Variants in RPS6KC1 observed in about 807,000 individuals in gnomAD.
RPS6KC1 encodes ribosomal protein S6 kinase C1.
In RPS6KC1, 54 loss-of-function variants were observed where a neutral mutation model predicts 103.8. The ratio of observed to expected loss-of-function variants is 0.52; its 90% CI spans 0.42 to 0.65. The LOEUF (loss-of-function observed/expected upper bound fraction) is 0.65, where lower values mean the gene tolerates loss of function less well. Among genes scored for constraint, RPS6KC1 ranks in the 30% least tolerant of loss-of-function variants. The pLI, the probability that RPS6KC1 is intolerant of heterozygous loss-of-function variation, is 0.00. For missense variants in RPS6KC1, 1,151 were observed against 1,253.8 expected (o/e 0.92, Z 1.24); for synonymous variants, 439 against 438.7 (o/e 1.00, Z -0.01).
intron 1 of RPS6KC1, among the ~76,000 whole-genome samples, chr1:213,068,384 T>C (rs1004081086): frequency 7.0e-6 from 1 of 143,864 alleles, no homozygotes; most frequent in Non-Finnish European, 1.5e-5. Context: ...CTCGGGAGGC[T>C]GAGGCAGGAG....
chr1:213,468,082 A>T, the RPS6KC1 span, among the ~76,000 whole-genome samples: 1 of 152,232 alleles, frequency 6.6e-6, no homozygotes, highest in Non-Finnish European at 1.5e-5. Context: ...AATTAGACAT[A>T]AACACATTAC....
intron 3 of RPS6KC1, among the ~76,000 whole-genome samples, chr1:213,094,009 T>G (rs1439022347): frequency 1.3e-5 from 2 of 152,204 alleles, no homozygotes; most frequent in African/African-American, 2.4e-5. Context: ...TCCTGGTTAT[T>G]CATCTCATCA....
At chr1:213,567,635 C>T in the RPS6KC1 span, among the ~76,000 whole-genome samples, 1 of 152,132 alleles carries the variant, frequency 6.6e-6, no homozygotes, top group Non-Finnish European at 1.5e-5. Context: ...CATACAATAC[C>T]AGAAATGAAA....
At chr1:213,078,940 G>A (rs968501549) in intron 3 of RPS6KC1, among the ~76,000 whole-genome samples, 6 of 151,964 alleles carry the variant, frequency 3.9e-5, no homozygotes, top group African/African-American at 1.4e-4. Context: ...CTGTATCAGT[G>A]TGTGTGTATG....
At position 213,117,356 on chromosome 1, in the gene RPS6KC1, G is replaced by T; in HGVS notation, c.418G>T (p.Ala140Ser). Residue 140 changes from alanine to serine, a missense_variant, in exon 5 of 15, where the codon GCT (alanine) becomes TCT (serine). Physicochemically the swap from Ala to Ser is moderately conservative, Grantham distance 99. This residue lies in a region of RPS6KC1 where 959 missense variants were observed against 1,006.3 expected (regional missense o/e 0.95). Coordinates refer to ENST00000366960, the MANE Select transcript of RPS6KC1 (RefSeq NM_012424.6). ...TGATAGTTCTGAATTAATTGGTCCT[G>T]CTGAAGCTCACTCAGATTCCCTCAT... Reference protein sequence around the residue: ...INDSSELIGPAEAHSDSLIDT... With the variant: ...INDSSELIGPSEAHSDSLIDT... 2 of 1,610,526 alleles carry T rather than the reference G, an allele frequency of 1.2e-6. No individual in the cohort carries two copies. Among genetic ancestry groups the T allele is most frequent in the Non-Finnish European group, 1.7e-6 (2 of 1,177,162 alleles).
chr1:213,095,472 T>C (rs1479514770), intron 3 of RPS6KC1, among the ~76,000 whole-genome samples: 2 of 152,344 alleles, frequency 1.3e-5, no homozygotes, highest in East Asian at 3.9e-4. Context: ...AGACAGCTTA[T>C]AAATCAAACA....
At chr1:213,101,439 C>T (rs2082009349) in intron 3 of RPS6KC1, among the ~76,000 whole-genome samples, 1 of 152,154 alleles carries the variant, frequency 6.6e-6, no homozygotes, top group South Asian at 2.1e-4. Flanking sequence ...TTCATATCTG[C>T]TTGTCAAAGT....
the RPS6KC1 span, among the ~76,000 whole-genome samples, chr1:213,461,707 A>T: frequency 6.6e-6 from 1 of 152,218 alleles, no homozygotes; most frequent in East Asian, 1.9e-4. Context: ...TGGTGTTGGG[A>T]AAACTGACTA....
intron 8 of RPS6KC1, among the ~76,000 whole-genome samples, chr1:213,220,517 G>A (rs543921786): frequency 2.5e-4 from 38 of 152,106 alleles, no homozygotes; most frequent in East Asian, 5.8e-4. Flanking sequence ...ATAGAAAGAG[G>A]GTTTCACCAT....
At chr1:213,398,420 G>A in the RPS6KC1 span, among the ~76,000 whole-genome samples, 1 of 151,862 alleles carries the variant, frequency 6.6e-6, no homozygotes. Context: ...ATAGTAACCT[G>A]CCATGCTTCA....
intron 5 of RPS6KC1, among the ~76,000 whole-genome samples, chr1:213,128,996 G>GT (rs2085294668): frequency 6.6e-6 from 1 of 152,136 alleles, no homozygotes; most frequent in African/African-American, 2.4e-5. Context: ...TGGTCACACA[G>GT]TAAGTTTTAA....
chr1:213,520,192 A>G, the RPS6KC1 span, among the ~76,000 whole-genome samples: 1 of 152,200 alleles, frequency 6.6e-6, no homozygotes, highest in African/African-American at 2.4e-5. Context: ...GACTGGGTTT[A>G]TAAAGAGAAG....
the RPS6KC1 span, among the ~76,000 whole-genome samples, chr1:213,678,567 T>C: frequency 6.6e-6 from 1 of 152,220 alleles, no homozygotes; most frequent in African/African-American, 2.4e-5. Context: ...TTCCCACACC[T>C]GGCTGATCAT....
At chr1:213,615,015 T>C in the RPS6KC1 span, among the ~76,000 whole-genome samples, 1 of 152,138 alleles carries the variant, frequency 6.6e-6, no homozygotes, top group Non-Finnish European at 1.5e-5. Flanking sequence ...CAGCTGGAAA[T>C]AGATTTTATA....
chr1:213,393,053 A>G, the RPS6KC1 span, among the ~76,000 whole-genome samples: 5 of 152,238 alleles, frequency 3.3e-5, no homozygotes, highest in Non-Finnish European at 7.3e-5. Context: ...CAATAATTAG[A>G]CTTGACAATA....
the RPS6KC1 span, among the ~76,000 whole-genome samples, chr1:213,857,307 T>TG: frequency 1.2e-4 from 18 of 152,192 alleles, no homozygotes; most frequent in Non-Finnish European, 2.1e-4. Context: ...AGACTCCTCA[T>TG]GAAAAACTAG....
the RPS6KC1 span, among the ~76,000 whole-genome samples, chr1:213,647,956 C>A: frequency 6.6e-6 from 1 of 152,170 alleles, no homozygotes; most frequent in Admixed American, 6.5e-5. Flanking sequence ...TTGGAGTCAA[C>A]CTGGACCCCA....
In RPS6KC1 at chr1:213,190,402, A is replaced by G. The variant is rs2092705290; in HGVS notation, c.1044+13910A>G. ...TTTGATTTGCATTTCTCTGATGATCAATGATGTTGAACAGCTTTTTATATG... is the reference window on the plus strand; with the variant it reads ...TTTGATTTGCATTTCTCTGATGATCGATGATGTTGAACAGCTTTTTATATG... On this transcript the variant is annotated intron_variant, in intron 8 of 14. Transcript: ENST00000366960. Among the ~76,000 whole-genome samples, 5 of 152,184 alleles carry G rather than the reference A, an allele frequency of 3.3e-5. No individual in the cohort carries two copies. The South Asian group carries it at 1.0e-3, about 32-fold the overall frequency.
the RPS6KC1 span, among the ~76,000 whole-genome samples, chr1:213,565,704 T>G: frequency 6.6e-6 from 1 of 152,186 alleles, no homozygotes; most frequent in East Asian, 1.9e-4. Flanking sequence ...CAATGTACAC[T>G]TATTATTTGT....
Sources: gnomAD v4.1 joint callset for allele counts (sites outside exome capture counted in the v4.1 genomes callset) on GRCh38, gnomAD v4.1.1 for gene constraint, gnomAD v4.1.1 regional missense constraint, MANE v1.5 for transcripts, NCBI Gene and HGNC (gene_info 2026-07-23, HGNC 2026-07-21) for gene names.